Variants in TMEM26 observed in about 807,000 individuals in gnomAD.
TMEM26 encodes the protein transmembrane protein 26.
In TMEM26, 38 loss-of-function variants were observed where a neutral mutation model predicts 28.8. The observed-to-expected ratio is 1.32, with a 90% CI of 1.02 to 1.73. The LOEUF (loss-of-function observed/expected upper bound fraction) is 1.73, where lower values mean the gene tolerates loss of function less well. Ranked by LOEUF, TMEM26 falls within the 40% of genes most tolerant of loss-of-function variation. TMEM26 has a pLI of 0.00. For synonymous variants in TMEM26, 227 were observed against 182.9 expected, an observed-to-expected ratio of 1.24 and a Z score of -1.95; for missense variants, 518 against 447.1, an observed-to-expected ratio of 1.16 and a Z score of -1.43.
chr10:61,423,373 G>T (rs1839779046), intron 4 of TMEM26, among the ~76,000 whole-genome samples: 1 of 152,252 alleles, frequency 6.6e-6, no homozygotes, highest in Admixed American at 6.5e-5. Context: ...GACAGAAAAA[G>T]ATATCATTAG....
intron 1 of TMEM26, among the ~76,000 whole-genome samples, chr10:61,450,597 A>G (rs1490839111): frequency 6.6e-6 from 1 of 151,942 alleles, no homozygotes; most frequent in Non-Finnish European, 1.5e-5. Context: ...TAGACCATTT[A>G]CCAAGACTCA....
intron 3 of TMEM26, among the ~76,000 whole-genome samples, chr10:61,430,436 A>T (rs928474549): frequency 1.1e-4 from 17 of 151,994 alleles, no homozygotes; most frequent in African/African-American, 3.4e-4. Context: ...TACAAAATAC[A>T]TATGGTGGAG....
In TMEM26 at chr10:61,410,408, C is replaced by T; in HGVS notation, c.1021G>A (p.Asp341Asn). 1 of 1,614,070 alleles carries T rather than the reference C, an allele frequency of 6.2e-7. No homozygotes were observed. Among genetic ancestry groups the T allele is most frequent in the Non-Finnish European group, 8.5e-7 (1 of 1,180,016 alleles). ...CCCTCCTTAGACTCGTTCTGCCAGTCCCGCTGAGAGGGCCCACTCTCAGAG... is the reference window on the plus strand; with the variant it reads ...CCCTCCTTAGACTCGTTCTGCCAGTTCCGCTGAGAGGGCCCACTCTCAGAG... Reference protein sequence around the residue: ...QTSESGPSQRDWQNESKEGLA... With the variant: ...QTSESGPSQRNWQNESKEGLA... The change falls in exon 6 of 6, where the codon GAC becomes AAC. Residue 341 changes from aspartate to asparagine, a missense_variant. Transcript: ENST00000399298.
Position 61,406,782 on chromosome 10 carries a change from C to T in TMEM26, c.*3540G>A. 1 of 151,980 alleles carries T rather than the reference C, an allele frequency of 6.6e-6. No individual in the cohort carries two copies. Among genetic ancestry groups the T allele is most frequent in the Non-Finnish European group, 1.5e-5 (1 of 67,966 alleles). The allele number at this position is 151,980 out of a possible 1,614,324, so 9.4% of individuals were successfully genotyped here. Reference sequence around the variant, plus strand: ...AAAGAGACAGAGGATGAAATAGATACACATAAAATATAAGACTTAGCAGTT... The same window carrying T: ...AAAGAGACAGAGGATGAAATAGATATACATAAAATATAAGACTTAGCAGTT... On this transcript the variant is annotated 3_prime_UTR_variant, in exon 6 of 6. Coordinates refer to ENST00000399298, the MANE Select transcript of TMEM26 (RefSeq NM_178505.8).
intron 4 of TMEM26, among the ~76,000 whole-genome samples, chr10:61,419,096 C>T (rs970281045): frequency 3.3e-5 from 5 of 152,032 alleles, no homozygotes; most frequent in African/African-American, 4.8e-5. Context: ...TCTGAGACAT[C>T]AGTGACTACA....
chr10:61,446,479 C>T (rs1840182227), intron 1 of TMEM26, among the ~76,000 whole-genome samples: 1 of 152,102 alleles, frequency 6.6e-6, no homozygotes, highest in Non-Finnish European at 1.5e-5. Flanking sequence ...GTTATATTTA[C>T]ACTATACTGT....
At chr10:61,420,398 C>T (rs1272925632) in intron 4 of TMEM26, among the ~76,000 whole-genome samples, 2 of 151,986 alleles carry the variant, frequency 1.3e-5, no homozygotes, top group African/African-American at 4.8e-5. Flanking sequence ...GAGGCAGGCA[C>T]ACCCAATGTA....
At chr10:61,418,976 T>C (rs1255491887) in intron 4 of TMEM26, among the ~76,000 whole-genome samples, 1 of 152,146 alleles carries the variant, frequency 6.6e-6, no homozygotes, top group Non-Finnish European at 1.5e-5. Flanking sequence ...TAAGGGCTCA[T>C]AGTATTTGAT....
intron 4 of TMEM26, among the ~76,000 whole-genome samples, chr10:61,424,704 T>C (rs1365675337): frequency 6.6e-6 from 1 of 152,210 alleles, no homozygotes; most frequent in Non-Finnish European, 1.5e-5. Flanking sequence ...GACAGTGTGG[T>C]ATTGGTATAA....
At chr10:61,420,369 G>A (rs1839724617) in intron 4 of TMEM26, among the ~76,000 whole-genome samples, 2 of 151,954 alleles carry the variant, frequency 1.3e-5, no homozygotes, top group South Asian at 2.1e-4. Flanking sequence ...AGGTGGAGGA[G>A]GTGAAAGGAG....
chr10:61,414,203 T>C (rs1052636753), intron 4 of TMEM26: 1 of 325,210 alleles, frequency 3.1e-6, no homozygotes, highest in African/African-American at 2.2e-5. Context: ...CAGACAAATA[T>C]ACAAATGTCC....
intron 1 of TMEM26, among the ~76,000 whole-genome samples, chr10:61,440,031 G>C (rs1488627924): frequency 1.3e-5 from 2 of 152,130 alleles, no homozygotes; most frequent in Admixed American, 1.3e-4. Context: ...CTTGAGGTCA[G>C]GAGTTCGCGA....
At chr10:61,433,287 G>A (rs1259380155) in intron 2 of TMEM26, among the ~76,000 whole-genome samples, 1 of 152,046 alleles carries the variant, frequency 6.6e-6, no homozygotes, top group African/African-American at 2.4e-5. Flanking sequence ...TCTACATTGG[G>A]ACTGCAGTGA....
chr10:61,446,307 T>C (rs1840179584), intron 1 of TMEM26, among the ~76,000 whole-genome samples: 2 of 152,162 alleles, frequency 1.3e-5, no homozygotes, highest in East Asian at 1.9e-4. Context: ...CCCAAAATGA[T>C]GCACATTTAA....
At chr10:61,452,730 A>G (rs2135345347) in intron 1 of TMEM26, 161 bp downstream of exon 1, 1 of 894,524 alleles carries the variant, frequency 1.1e-6, no homozygotes, top group Non-Finnish European at 1.7e-6. Flanking sequence ...TGGGGTGCCC[A>G]AGAGATGCGC....
Position 61,429,005 on chromosome 10 carries a change from G to T in TMEM26, c.526C>A (p.Gln176Lys), listed in dbSNP as rs775151554. Residue 176 changes from glutamine to lysine, a missense_variant, in exon 4 of 6, where the codon CAA (glutamine) becomes AAA (lysine). Physicochemically the swap from Gln to Lys is moderately conservative, Grantham distance 53. Coordinates refer to ENST00000399298, the MANE Select transcript of TMEM26 (RefSeq NM_178505.8). ...GTCCCCACAAACATAAGAAGAAGTT[G>T]AGAGAGTTGATCTCGAGTGATCCCG... is the stretch of plus-strand genomic sequence containing the variant. ...GGGITRDQLS[Q>K]LLLMFVGTAA... is the part of the protein sequence containing the mutation. 2 of 1,613,344 alleles carry T rather than the reference G, an allele frequency of 1.2e-6. No individual in the cohort carries two copies. The highest frequency in any genetic ancestry group is 2.2e-5 in the South Asian group (2 of 91,074).
At chr10:61,437,746 T>C (rs1840031810) in intron 1 of TMEM26, among the ~76,000 whole-genome samples, 1 of 152,152 alleles carries the variant, frequency 6.6e-6, no homozygotes, top group Non-Finnish European at 1.5e-5. Flanking sequence ...GATCAGCTAC[T>C]ACACTCCAGC....
chr10:61,433,707 T>C (rs1485666418), intron 2 of TMEM26, among the ~76,000 whole-genome samples: 1 of 152,108 alleles, frequency 6.6e-6, no homozygotes, highest in African/African-American at 2.4e-5. Context: ...TTAGAACATA[T>C]AGTATATAGA....
At chr10:61,419,815 G>T (rs940681263) in intron 4 of TMEM26, among the ~76,000 whole-genome samples, 1 of 152,022 alleles carries the variant, frequency 6.6e-6, no homozygotes, top group African/African-American at 2.4e-5. Flanking sequence ...ATAATTTACA[G>T]GTGTAAGAAG....
Sources: gnomAD v4.1 joint callset for allele counts (sites outside exome capture counted in the v4.1 genomes callset) on GRCh38, gnomAD v4.1.1 for gene constraint, MANE v1.5 for transcripts, NCBI Gene and HGNC (gene_info 2026-07-23, HGNC 2026-07-21) for gene names.